ARB2A: variants seen among roughly 807,000 people sequenced by gnomAD.
ARB2A encodes the protein cotranscriptional regulator ARB2A.
At chr5:94,056,118 A>G in the ARB2A span, among the ~76,000 whole-genome samples, 1 of 152,222 alleles carries the variant, frequency 6.6e-6, no homozygotes, top group Non-Finnish European at 1.5e-5. Context: ...TATCCCTAAA[A>G]GCCAAAGTCA....
the ARB2A span, among the ~76,000 whole-genome samples, chr5:94,079,395 GGGTAGGCATTTTATGGA>G: frequency 6.6e-6 from 1 of 152,192 alleles, no homozygotes; most frequent in Non-Finnish European, 1.5e-5. Context: ...CAACTGTCAG[GGGTAGGCATTTTATGGA>G]GATAAGGCAT....
the ARB2A span, among the ~76,000 whole-genome samples, chr5:94,097,631 G>T: frequency 6.6e-6 from 1 of 151,978 alleles, no homozygotes; most frequent in African/African-American, 2.4e-5. Context: ...CACCATTATT[G>T]TGGGGCCTCC....
At chr5:93,983,476 T>A in the ARB2A span, among the ~76,000 whole-genome samples, 1 of 152,170 alleles carries the variant, frequency 6.6e-6, no homozygotes, top group African/African-American at 2.4e-5. Context: ...ATATCACCTT[T>A]TAAATAAAAC....
chr5:93,981,035 C>T, the ARB2A span, among the ~76,000 whole-genome samples: 1 of 151,278 alleles, frequency 6.6e-6, no homozygotes, highest in Non-Finnish European at 1.5e-5. Flanking sequence ...TAATTATTCA[C>T]TAGCTTTTAC....
the ARB2A span, among the ~76,000 whole-genome samples, chr5:93,853,271 T>G: frequency 6.6e-6 from 1 of 152,288 alleles, no homozygotes; most frequent in South Asian, 2.1e-4. Context: ...CTGTTATTGG[T>G]GTATAAGAAT....
chr5:93,982,423 C>T, the ARB2A span, among the ~76,000 whole-genome samples: 1 of 152,106 alleles, frequency 6.6e-6, no homozygotes, highest in African/African-American at 2.4e-5. Context: ...TATGTACATG[C>T]ACAGACACAC....
the ARB2A span, among the ~76,000 whole-genome samples, chr5:93,677,210 A>C: frequency 6.6e-6 from 1 of 152,220 alleles, no homozygotes; most frequent in African/African-American, 2.4e-5. Context: ...TAAAAATAAC[A>C]AAGTTTGAAA....
At chr5:93,634,783 T>TA in the ARB2A span, among the ~76,000 whole-genome samples, 1 of 130,548 alleles carries the variant, frequency 7.7e-6, no homozygotes, top group East Asian at 2.0e-4. Flanking sequence ...TCATTTTCTC[T>TA]TTTTTTTTTG....
the ARB2A span, among the ~76,000 whole-genome samples, chr5:94,098,176 A>G: frequency 6.6e-6 from 1 of 152,172 alleles, no homozygotes; most frequent in African/African-American, 2.4e-5. Flanking sequence ...AGAGTATAAA[A>G]GCAAAAAGGC....
chr5:93,777,332 T>G, the ARB2A span, among the ~76,000 whole-genome samples: 1 of 152,152 alleles, frequency 6.6e-6, no homozygotes, highest in African/African-American at 2.4e-5. Context: ...AATCACCATC[T>G]GGTGAGTTGT....
At chr5:93,976,166 G>A in the ARB2A span, among the ~76,000 whole-genome samples, 9 of 152,018 alleles carry the variant, frequency 5.9e-5, no homozygotes, top group South Asian at 2.1e-4. Context: ...TTGTTATTGA[G>A]ATGATCATTC....
At chr5:94,054,266 T>C in the ARB2A span, among the ~76,000 whole-genome samples, 2 of 152,268 alleles carry the variant, frequency 1.3e-5, no homozygotes, top group Non-Finnish European at 2.9e-5. Flanking sequence ...GTTCCATTAG[T>C]GTTCATTTTC....
the ARB2A span, among the ~76,000 whole-genome samples, chr5:94,030,300 G>A: frequency 1.3e-5 from 2 of 152,220 alleles, no homozygotes; most frequent in African/African-American, 2.4e-5. Flanking sequence ...TAAAATCAAA[G>A]TATCAGTCAG....
At chr5:94,086,788 G>A in the ARB2A span, among the ~76,000 whole-genome samples, 2 of 152,106 alleles carry the variant, frequency 1.3e-5, no homozygotes, top group East Asian at 1.9e-4. Context: ...CCTGACCTCT[G>A]GTGATCCACA....
the ARB2A span, among the ~76,000 whole-genome samples, chr5:93,921,997 C>T: frequency 6.6e-6 from 1 of 152,110 alleles, no homozygotes; most frequent in African/African-American, 2.4e-5. Context: ...ATCTCTAATT[C>T]AGTCTCTAGA....
the ARB2A span, among the ~76,000 whole-genome samples, chr5:93,968,973 AAAT>A: frequency 6.6e-6 from 1 of 151,710 alleles, no homozygotes; most frequent in Non-Finnish European, 1.5e-5. Context: ...AGTGAGGGAG[AAAT>A]AATGACTTTC....
At chr5:93,986,029 C>T in the ARB2A span, among the ~76,000 whole-genome samples, 1 of 151,138 alleles carries the variant, frequency 6.6e-6, no homozygotes, top group East Asian at 2.0e-4. Context: ...GCGCCTCTGC[C>T]TGGCCACCCG....
the ARB2A span, chr5:93,735,269 T>C: frequency 1.3e-5 from 2 of 152,242 alleles, no homozygotes; most frequent in African/African-American, 4.8e-5. Context: ...GTCCAGCCTT[T>C]TCTCTTTTCA....
chr5:93,637,354 G>GTTTTT, the ARB2A span, among the ~76,000 whole-genome samples: 65 of 116,090 alleles, frequency 5.6e-4, 2 homozygotes, highest in African/African-American at 1.3e-3. Flanking sequence ...GGGTTGTTTA[G>GTTTTT]TTTTTTTTTT....
Sources: gnomAD v4.1 joint callset for allele counts (sites outside exome capture counted in the v4.1 genomes callset) on GRCh38, gnomAD v4.1.1 for gene constraint, MANE v1.5 for transcripts, NCBI Gene and HGNC (gene_info 2026-07-23, HGNC 2026-07-21) for gene names.